CCDC171: variants seen among roughly 807,000 people sequenced by gnomAD.
The protein encoded by CCDC171 is coiled-coil domain-containing protein 171.
CCDC171 carries 177 observed loss-of-function variants against 168.2 expected under a neutral mutation model. That is an observed-to-expected ratio of 1.05 (90% confidence interval 0.93 to 1.19). The LOEUF is 1.19. Among genes scored for constraint, CCDC171 ranks in the 50% most tolerant of loss-of-function variants. The pLI, the probability that CCDC171 is intolerant of heterozygous loss-of-function variation, is 0.00. For missense variants in CCDC171, 1,991 were observed against 1,539.0 expected (o/e 1.29, Z -4.91); for synonymous variants, 687 against 540.8 (o/e 1.27, Z -3.75).
At chr9:15,705,466 A>G (rs2052147020) in intron 11 of CCDC171, among the ~76,000 whole-genome samples, 1 of 151,994 alleles carries the variant, frequency 6.6e-6, no homozygotes, top group African/African-American at 2.4e-5. Context: ...GCTTCTTGCC[A>G]TTTCTTGAAT....
At chr9:15,731,688 T>G (rs1400455258) in intron 16 of CCDC171, among the ~76,000 whole-genome samples, 3 of 152,080 alleles carry the variant, frequency 2.0e-5, no homozygotes, top group Admixed American at 6.6e-5. Context: ...TTTGTCAACA[T>G]ATGGTTTTAT....
chr9:15,600,005 C>G (rs1410737913), intron 6 of CCDC171, among the ~76,000 whole-genome samples: 2 of 151,870 alleles, frequency 1.3e-5, no homozygotes, highest in African/African-American at 4.8e-5. Context: ...CCGTCAGGTC[C>G]TTTAAGGACT....
In CCDC171 at chr9:15,874,586, C is replaced by G. The variant is rs776768409; in HGVS notation, c.3523C>G (p.Leu1175Val). 1.3e-5 allele frequency: 21 copies of G among 1,608,010 alleles called. 2 individuals carry two copies. The South Asian group carries it at 2.2e-4, about 17-fold the overall frequency. Residue 1175 changes from leucine (L) to valine (V), a missense_variant, in exon 24 of 26, where the codon CTA (leucine) becomes GTA (valine). By Grantham distance (32) the Leu-to-Val change is conservative. Coordinates refer to ENST00000380701, the MANE Select transcript of CCDC171 (RefSeq NM_173550.4). Reference protein sequence around the residue: ...WSAASRNDFTLQLPKLHLETF... With the variant: ...WSAASRNDFTVQLPKLHLETF... ...TGCGGCAAGTAGGAATGACTTCACC[C>G]TACAGCTACCCAAACTGCACCTGGA...
intron 23 of CCDC171, among the ~76,000 whole-genome samples, chr9:15,864,537 C>T (rs570896093): frequency 8.5e-4 from 129 of 152,144 alleles, no homozygotes; most frequent in African/African-American, 3.0e-3. Context: ...GTTCAGTTCC[C>T]ACCTATGAGT....
At chr9:15,922,056 A>G in intron 25 of CCDC171, 1 of 224,356 alleles carries the variant, frequency 4.5e-6, no homozygotes, top group Non-Finnish European at 1.0e-5. Context: ...TATACTTCAC[A>G]ATCATACCAA....
rs563582671 is a variant in CCDC171, at chr9:15,792,320, G to A, written c.3267+7626G>A. On this transcript the variant is annotated intron_variant, in intron 21 of 25. Transcript: ENST00000380701. The stretch of plus-strand genomic sequence containing the variant: ...CAAAGCTTCCAAGAAATATGGGACT[G>A]TGTGAAAAGACCAGATCTACGTCTG... Among the ~76,000 whole-genome samples the A allele has an allele frequency of 9.8e-5, 15 of 152,314 alleles. No homozygotes were observed. In the East Asian group the frequency reaches 2.7e-3, roughly 27 times the overall value.
At chr9:16,089,577 G>C in the CCDC171 span, among the ~76,000 whole-genome samples, 1 of 151,760 alleles carries the variant, frequency 6.6e-6, no homozygotes, top group South Asian at 2.1e-4. Flanking sequence ...AAGGGGTCCA[G>C]TTTCAGTTTT....
intron 25 of CCDC171, among the ~76,000 whole-genome samples, chr9:15,929,305 G>A (rs559438291): frequency 4.6e-5 from 7 of 151,656 alleles, no homozygotes; most frequent in Non-Finnish European, 8.8e-5. Context: ...ATATGCTTCT[G>A]AGTGTCTCCC....
At chr9:15,810,028 C>A (rs1034726979) in intron 21 of CCDC171, among the ~76,000 whole-genome samples, 2 of 152,158 alleles carry the variant, frequency 1.3e-5, no homozygotes, top group South Asian at 2.1e-4. Flanking sequence ...TCCAAGTCCC[C>A]ACTAGATGAG....
chr9:15,842,999 C>G (rs1242945837), intron 21 of CCDC171, among the ~76,000 whole-genome samples: 1 of 151,870 alleles, frequency 6.6e-6, no homozygotes, highest in Non-Finnish European at 1.5e-5. Context: ...TAAGCTTTTA[C>G]TATACTTCAC....
rs576342760 is a variant in CCDC171 at position 15,819,418 on chromosome 9, C to T, written c.3268-27284C>T. Among the ~76,000 whole-genome samples, 8 of 117,154 alleles carry T rather than the reference C, an allele frequency of 6.8e-5. 2 individuals are homozygous for T. Among genetic ancestry groups the T allele is most frequent in the Non-Finnish European group, 1.5e-4 (8 of 52,194 alleles). 76.9% of individuals were successfully genotyped at this position (117,154 alleles called of 152,430 possible). A position where few individuals can be genotyped will look rare whatever the true frequency, so the allele number is the denominator to read the frequency against. ...ACTGGCAAATTGGATAGTCAAGACC[C>T]ATCAGTGTGCTGTATTCAGGAAACC... On this transcript the variant is annotated intron_variant, in intron 21 of 25. Coordinates refer to ENST00000380701, the MANE Select transcript of CCDC171 (RefSeq NM_173550.4).
chr9:15,847,724 G>A (rs1160633732), intron 22 of CCDC171, among the ~76,000 whole-genome samples: 6 of 151,862 alleles, frequency 4.0e-5, no homozygotes, highest in East Asian at 1.9e-4. Flanking sequence ...ATAAAATATC[G>A]TCAGATATGA....
intron 1 of CCDC171, among the ~76,000 whole-genome samples, chr9:15,558,570 A>G (rs1234841681): frequency 1.3e-5 from 2 of 152,080 alleles, no homozygotes; most frequent in Non-Finnish European, 2.9e-5. Context: ...CTGTGGGATC[A>G]GTGGTGATAT....
chr9:15,983,903 G>T lies in CCDC171; in HGVS notation n.369-36686G>T, dbSNP rs150029374. Among the ~76,000 whole-genome samples the T allele has an allele frequency of 9.0e-3, 1,346 of 149,510 alleles. 22 individuals carry two copies. Among genetic ancestry groups the T allele is most frequent in the Admixed American group, 0.037 (552 of 14,892 alleles). ...TACTGTATCAATTTTACCTCCAACTGCTAGATAAGAAATTTAAGTAGATAA... is the reference window on the plus strand; with the variant it reads ...TACTGTATCAATTTTACCTCCAACTTCTAGATAAGAAATTTAAGTAGATAA... On this transcript the variant is annotated intron_variant and non_coding_transcript_variant, in intron 3 of 9. Transcript: ENST00000486641.
Position 15,972,784 on chromosome 9 carries a change from A to G in CCDC171, c.*948A>G, listed in dbSNP as rs901846387. 1 of 152,138 alleles carries G rather than the reference A, an allele frequency of 6.6e-6. No individual in the cohort carries two copies. The highest frequency in any genetic ancestry group is 2.4e-5 in the African/African-American group (1 of 41,434). The allele number at this position is 152,138 out of a possible 1,614,324, so 9.4% of individuals were successfully genotyped here. A position where few individuals can be genotyped will look rare whatever the true frequency, so the allele number is the denominator to read the frequency against. ...CATTGCCCTGCATTTTCTGCCTTGTAGCACACAAAAGTAAAATTGTATGTC... is the reference window on the plus strand; with the variant it reads ...CATTGCCCTGCATTTTCTGCCTTGTGGCACACAAAAGTAAAATTGTATGTC... On this transcript the variant is annotated 3_prime_UTR_variant, in exon 26 of 26. Coordinates refer to ENST00000380701, the MANE Select transcript of CCDC171 (RefSeq NM_173550.4).
intron 3 of CCDC171, among the ~76,000 whole-genome samples, chr9:16,010,676 T>C (rs1832844264): frequency 6.6e-6 from 1 of 151,738 alleles, no homozygotes; most frequent in South Asian, 2.1e-4. Flanking sequence ...CTATCCTTGG[T>C]GATGAGCACA....
At chr9:15,566,681 A>G (rs2039757953) in intron 2 of CCDC171, among the ~76,000 whole-genome samples, 1 of 152,212 alleles carries the variant, frequency 6.6e-6, no homozygotes, top group Non-Finnish European at 1.5e-5. Flanking sequence ...ACTTTGATGA[A>G]GTCCAGTTTA....
the CCDC171 span, among the ~76,000 whole-genome samples, chr9:16,100,136 C>G: frequency 2.0e-5 from 3 of 152,132 alleles, no homozygotes; most frequent in Non-Finnish European, 2.9e-5. Context: ...AACAGTCCTT[C>G]GCTCCCACAG....
chr9:15,803,361 G>T (rs1025099341), intron 21 of CCDC171, among the ~76,000 whole-genome samples: 1 of 151,466 alleles, frequency 6.6e-6, no homozygotes, highest in African/African-American at 2.4e-5. Context: ...GTATTGCCTA[G>T]TTTTTTTTCT....
Sources: gnomAD v4.1 joint callset for allele counts (sites outside exome capture counted in the v4.1 genomes callset) on GRCh38, gnomAD v4.1.1 for gene constraint, MANE v1.5 for transcripts, NCBI Gene and HGNC (gene_info 2026-07-23, HGNC 2026-07-21) for gene names.